The following MAPK9 variants were observed in gnomAD, a reference collection of about 807,000 sequenced individuals.
MAPK9 encodes mitogen-activated protein kinase 9, also known as Jun kinase.
Under a neutral mutation model 57.1 loss-of-function variants are expected in MAPK9, and 30 were observed. The ratio of observed to expected loss-of-function variants is 0.53; its 90% CI spans 0.39 to 0.71. The LOEUF (loss-of-function observed/expected upper bound fraction) is 0.71, where lower values mean the gene tolerates loss of function less well. Among genes scored for constraint, MAPK9 ranks in the 30% least tolerant of loss-of-function variants. The pLI is 0.00. For missense variants in MAPK9, 362 were observed against 521.0 expected (o/e 0.69, Z 2.97); for synonymous variants, 155 against 177.0 (o/e 0.88, Z 0.99).
At chr5:180,286,778 C>T (rs1315089732) in intron 1 of MAPK9, among the ~76,000 whole-genome samples, 1 of 152,212 alleles carries the variant, frequency 6.6e-6, no homozygotes, top group Admixed American at 6.5e-5. Context: ...CTGTGACTTC[C>T]GAACCACTGC....
intron 1 of MAPK9, among the ~76,000 whole-genome samples, chr5:180,281,170 G>A (rs750435918): frequency 1.3e-5 from 2 of 152,220 alleles, no homozygotes; most frequent in African/African-American, 2.4e-5. Context: ...GCCCAAGCAC[G>A]TGCTCCTGCC....
At chr5:180,272,844 T>A (rs1384617499) in intron 2 of MAPK9, among the ~76,000 whole-genome samples, 1 of 152,262 alleles carries the variant, frequency 6.6e-6, no homozygotes, top group African/African-American at 2.4e-5. Context: ...GTGTTTCTGA[T>A]GAGTAGACAA....
intron 7 of MAPK9, among the ~76,000 whole-genome samples, chr5:180,244,893 A>G (rs534435021): frequency 2.0e-5 from 3 of 152,134 alleles, no homozygotes; most frequent in African/African-American, 7.2e-5. Context: ...CCTCCACTCC[A>G]TAAATGCTGT....
At chr5:180,288,011 T>G (rs952528414) in intron 1 of MAPK9, among the ~76,000 whole-genome samples, 6 of 152,230 alleles carry the variant, frequency 3.9e-5, no homozygotes, top group Non-Finnish European at 7.3e-5. Flanking sequence ...CCAGTGGGTC[T>G]GCTATTTATC....
chr5:180,264,018 T>C (rs145696706), intron 4 of MAPK9, among the ~76,000 whole-genome samples: 2 of 152,274 alleles, frequency 1.3e-5, no homozygotes, highest in Admixed American at 6.5e-5. Context: ...CCAACTTCTT[T>C]ATCCCCTTCA....
At chr5:180,246,192 AGT>A (rs1561789131) in intron 7 of MAPK9, 27 of 152,360 alleles carry the variant, frequency 1.8e-4, no homozygotes, top group South Asian at 6.2e-4. Context: ...CTAAATTATT[AGT>A]CTTTTAATTT....
intron 2 of MAPK9, among the ~76,000 whole-genome samples, chr5:180,269,746 T>A (rs1041824066): frequency 2.0e-5 from 3 of 152,216 alleles, no homozygotes; most frequent in African/African-American, 7.2e-5. Context: ...AGTTTAAACA[T>A]GACAAGAAGT....
Position 180,286,304 on chromosome 5 carries a change from C to T in MAPK9, c.-48+5544G>A, listed in dbSNP as rs192067309. On this transcript the variant is annotated intron_variant, in intron 1 of 11. Transcript: ENST00000452135. Reference sequence around the variant, plus strand: ...GGGACTACAGGCGCCCGCCAGCACACCCAGCTAATTTTTGTATTTTTAGTA... The same window carrying T: ...GGGACTACAGGCGCCCGCCAGCACATCCAGCTAATTTTTGTATTTTTAGTA... Among the ~76,000 whole-genome samples the T allele has an allele frequency of 5.2e-3, 785 of 149,794 alleles. 14 individuals carry two copies. Among genetic ancestry groups the T allele is most frequent in the African/African-American group, 0.018 (756 of 40,946 alleles).
rs1756989636 is a variant in MAPK9 at position 180,233,712 on chromosome 5, T to A, written c.*2672A>T. ...TATGCAATCTGAAAGGTCACACTTG[T>A]ATTTATTACCAGGAGGAAATACCAG... On this transcript the variant is annotated 3_prime_UTR_variant, in exon 12 of 12. Transcript: ENST00000452135. 1 of 152,264 alleles carries A rather than the reference T, an allele frequency of 6.6e-6. No individual in the cohort carries two copies. Among genetic ancestry groups the A allele is most frequent in the South Asian group, 2.1e-4 (1 of 4,836 alleles). The allele number at this position is 152,264 out of a possible 1,614,324, so 9.4% of individuals were successfully genotyped here. A position where few individuals can be genotyped will look rare whatever the true frequency, so the allele number is the denominator to read the frequency against.
intron 1 of MAPK9, among the ~76,000 whole-genome samples, chr5:180,286,700 C>T (rs1484205785): frequency 6.7e-6 from 1 of 148,200 alleles, no homozygotes; most frequent in Non-Finnish European, 1.5e-5. Flanking sequence ...ACTCCCAGGG[C>T]CCTGGGTAAG....
chr5:180,288,424 G>A (rs928150025), intron 1 of MAPK9, among the ~76,000 whole-genome samples: 1 of 152,142 alleles, frequency 6.6e-6, no homozygotes, highest in Non-Finnish European at 1.5e-5. Flanking sequence ...AATTCATGGG[G>A]CAGCTGGAAA....
chr5:180,255,298 C>T (rs1759157064), intron 5 of MAPK9, among the ~76,000 whole-genome samples: 1 of 151,982 alleles, frequency 6.6e-6, no homozygotes, highest in Admixed American at 6.6e-5. Flanking sequence ...ATCTGAGAGA[C>T]AAGGACAGCA....
chr5:180,285,939 G>A (rs1301830991), intron 1 of MAPK9, among the ~76,000 whole-genome samples: 6 of 150,876 alleles, frequency 4.0e-5, no homozygotes, highest in Admixed American at 2.6e-4. Context: ...AATTAGCCGG[G>A]TGTGGTGGCG....
chr5:180,289,003 T>C (rs1030867845), intron 1 of MAPK9, among the ~76,000 whole-genome samples: 2 of 152,252 alleles, frequency 1.3e-5, no homozygotes, highest in Non-Finnish European at 2.9e-5. Flanking sequence ...GAATTAATTA[T>C]TCTGAAGGAA....
intron 4 of MAPK9, among the ~76,000 whole-genome samples, chr5:180,262,320 T>C (rs1415558852): frequency 6.6e-6 from 1 of 152,162 alleles, no homozygotes; most frequent in Non-Finnish European, 1.5e-5. Flanking sequence ...AAAAGGACAC[T>C]TGACCCCACT....
At position 180,233,611 on chromosome 5, in the gene MAPK9, AGTCTGTATTAT is replaced by A. The variant is rs1423515011; in HGVS notation, c.*2762_*2772del. On this transcript the variant is annotated 3_prime_UTR_variant, in exon 12 of 12. Coordinates refer to ENST00000452135, the MANE Select transcript of MAPK9 (RefSeq NM_002752.5). ...GCTATACATTTATCTTTTAAAATGTAGTCTGTATTATTTTCACCAACCAAAACACACATAAT... is the reference window on the plus strand; with the variant it reads ...GCTATACATTTATCTTTTAAAATGTATTTCACCAACCAAAACACACATAAT... 1 of 152,254 alleles carries A rather than the reference AGTCTGTATTAT, an allele frequency of 6.6e-6. No homozygotes were observed. The highest frequency in any genetic ancestry group is 1.5e-5 in the Non-Finnish European group (1 of 68,048). The allele number at this position is 152,254 out of a possible 1,614,324, so 9.4% of individuals were successfully genotyped here.
At chr5:180,266,292 T>G (rs1760538905) in intron 3 of MAPK9, among the ~76,000 whole-genome samples, 1 of 151,478 alleles carries the variant, frequency 6.6e-6, no homozygotes, top group African/African-American at 2.4e-5. Context: ...TGGGGGATTC[T>G]GAAGTAACAG....
rs1757168122 is a variant in MAPK9, at chr5:180,236,329, G to A, written c.*55C>T. On this transcript the variant is annotated 3_prime_UTR_variant, in exon 12 of 12. Transcript: ENST00000452135. ...GTTCCATCAACTCCCAAGCATTTCA[G>A]GCCCACGGAGGTGAGAGTTCCTTCA... 2 of 1,541,154 alleles carry A rather than the reference G, an allele frequency of 1.3e-6. No homozygotes were observed. The highest frequency in any genetic ancestry group is 2.5e-5 in the South Asian group (2 of 80,666).
In MAPK9 at chr5:180,238,266, T is replaced by C. The variant is rs893576362; in HGVS notation, c.1132+66A>G. On this transcript the variant is annotated intron_variant, in intron 11 of 11. Coordinates refer to ENST00000452135, the MANE Select transcript of MAPK9 (RefSeq NM_002752.5). The stretch of plus-strand genomic sequence containing the variant: ...GCCTGGGCGACAGAACGAAACTCTG[T>C]CTCAAAAAAAAAAAGTTGAATAGGG... The C allele has an allele frequency of 4.1e-5, 54 of 1,314,054 alleles. No homozygotes were observed. In the Admixed American group the frequency reaches 9.4e-4, roughly 23 times the overall value. The allele number at this position is 1,314,054 out of a possible 1,614,324, so 81.4% of individuals were successfully genotyped here.
Sources: allele counts gnomAD v4.1 joint callset (sites outside exome capture counted in the v4.1 genomes callset), GRCh38; gene constraint gnomAD v4.1.1; transcripts MANE v1.5; gene names NCBI Gene and HGNC (gene_info 2026-07-23, HGNC 2026-07-21).